The following FBXW8 variants were observed in gnomAD, a reference collection of about 807,000 sequenced individuals.
The protein encoded by FBXW8 is F-box/WD repeat-containing protein 8.
FBXW8 carries 57 observed loss-of-function variants against 65.3 expected under a neutral mutation model. The ratio of observed to expected loss-of-function variants is 0.87; its 90% CI spans 0.71 to 1.09. FBXW8 has a LOEUF of 1.09. Among genes scored for constraint, FBXW8 ranks in the 50% least tolerant of loss-of-function variants. The probability of loss-of-function intolerance (pLI) is 0.00; values close to 1 mark genes in which losing one functional copy is unlikely to be tolerated. For missense variants in FBXW8, 777 were observed against 814.8 expected (o/e 0.95, Z 0.57); for synonymous variants, 308 against 330.2 (o/e 0.93, Z 0.73).
chr12:116,972,405 A>G (rs569807300), intron 5 of FBXW8, among the ~76,000 whole-genome samples: 3 of 152,342 alleles, frequency 2.0e-5, no homozygotes, highest in Non-Finnish European at 4.4e-5. Context: ...CGTTTATTTC[A>G]TTCTGAACCC....
chr12:116,953,573 C>T (rs1191423049), intron 4 of FBXW8, among the ~76,000 whole-genome samples: 12 of 151,530 alleles, frequency 7.9e-5, no homozygotes, highest in Admixed American at 5.9e-4. Flanking sequence ...AGATCGAGAC[C>T]ATCCTGGCTA....
At chr12:117,025,245 G>C (rs1215401695) in intron 9 of FBXW8, among the ~76,000 whole-genome samples, 1 of 152,226 alleles carries the variant, frequency 6.6e-6, no homozygotes, top group South Asian at 2.1e-4. Context: ...CTACTCAGGA[G>C]ACTGAGGAGC....
intron 7 of FBXW8, among the ~76,000 whole-genome samples, chr12:116,998,536 T>C (rs894250195): frequency 2.6e-5 from 4 of 152,216 alleles, no homozygotes; most frequent in Non-Finnish European, 2.9e-5. Context: ...TCCTATACCA[T>C]GGAAGAGAAT....
At chr12:116,986,675 A>G (rs1270897675) in intron 6 of FBXW8, 1 of 152,252 alleles carries the variant, frequency 6.6e-6, no homozygotes. Context: ...ACTGTAGACC[A>G]GCAATCACTG....
intron 1 of FBXW8, among the ~76,000 whole-genome samples, chr12:116,912,921 G>A (rs1297134346): frequency 6.6e-6 from 1 of 152,200 alleles, no homozygotes; most frequent in East Asian, 1.9e-4. Context: ...ACAATCCTGT[G>A]AGGTAGATTT....
At chr12:116,938,233 A>G (rs1053107530) in intron 2 of FBXW8, among the ~76,000 whole-genome samples, 19 of 152,226 alleles carry the variant, frequency 1.2e-4, no homozygotes, top group Admixed American at 2.6e-4. Context: ...CTCCTTTTAT[A>G]GTTTGCTAAA....
chr12:116,981,023 TG>T (rs1397533084), intron 5 of FBXW8, among the ~76,000 whole-genome samples: 1 of 152,200 alleles, frequency 6.6e-6, no homozygotes, highest in Non-Finnish European at 1.5e-5. Flanking sequence ...AATAGTGCCT[TG>T]GTACAAAACA....
intron 6 of FBXW8, 38 bp from the exon 7 acceptor site, chr12:116,988,625 T>A (rs777430223): frequency 5.0e-6 from 8 of 1,588,140 alleles, no homozygotes; most frequent in Non-Finnish European, 6.9e-6. Flanking sequence ...CAAGTCAGGA[T>A]GAATTTATGG....
intron 7 of FBXW8, among the ~76,000 whole-genome samples, chr12:117,004,587 G>C (rs950479501): frequency 3.9e-4 from 60 of 152,274 alleles, no homozygotes; most frequent in African/African-American, 1.2e-3. Context: ...GAACTTGTGT[G>C]GGGGCAGACA....
At chr12:117,002,395 G>A (rs531153355) in intron 7 of FBXW8, 2 of 152,406 alleles carry the variant, frequency 1.3e-5, no homozygotes, top group Non-Finnish European at 2.9e-5. Flanking sequence ...TTTGAGCATG[G>A]ACGGTGCCAG....
intron 1 of FBXW8, among the ~76,000 whole-genome samples, chr12:116,912,526 C>T (rs1347150984): frequency 7.0e-6 from 1 of 143,480 alleles, no homozygotes; most frequent in East Asian, 2.1e-4. Flanking sequence ...GTGGCGCGAT[C>T]TCGGCTCACT....
At chr12:116,940,255 CTT>C (rs76455764) in intron 2 of FBXW8, among the ~76,000 whole-genome samples, 7 of 143,128 alleles carry the variant, frequency 4.9e-5, no homozygotes, top group African/African-American at 1.0e-4. Flanking sequence ...TCCTGGTTAT[CTT>C]TTTTTTTTTT....
chr12:116,971,121 A>G lies in FBXW8; in HGVS notation c.835+6267A>G, dbSNP rs540985740. On this transcript the variant is annotated intron_variant, in intron 5 of 10. Transcript: ENST00000652555. ...GCTGGGTGTGGTGGCTCAGGCTTGT[A>G]ATGCCAGTGCTGTGGGAGGATCTCT... Among the ~76,000 whole-genome samples, 5 of 152,230 alleles carry G rather than the reference A, an allele frequency of 3.3e-5. No individual in the cohort carries two copies. In the South Asian group the frequency reaches 8.3e-4, roughly 25 times the overall value.
At position 116,949,622 on chromosome 12, in the gene FBXW8, G is replaced by A. The variant is rs575752045; in HGVS notation, c.593G>A (p.Arg198His). 5.8e-5 allele frequency: 94 copies of A among 1,614,010 alleles called. No individual in the cohort carries two copies. Among genetic ancestry groups the A allele is most frequent in the Non-Finnish European group, 7.9e-5 (93 of 1,180,000 alleles). The change falls in exon 4 of 11, where the codon CGC becomes CAC. Residue 198 changes from arginine to histidine, a missense_variant. By Grantham distance (29) the Arg-to-His change is conservative. Transcript: ENST00000652555. ...ATCCCCCTTTTCCTCACGCAGAATCGCAAAGGTGCCGTGAGCGAGCTGGAG... is the reference window on the plus strand; with the variant it reads ...ATCCCCCTTTTCCTCACGCAGAATCACAAAGGTGCCGTGAGCGAGCTGGAG... ...EHMLRTNWKN[R>H]KGAVSELEHV...
intron 1 of FBXW8, among the ~76,000 whole-genome samples, chr12:116,916,657 G>T (rs1351926574): frequency 2.6e-5 from 4 of 152,180 alleles, no homozygotes; most frequent in African/African-American, 4.8e-5. Flanking sequence ...CAGCTGCTGG[G>T]GGAGTTGAGG....
At chr12:117,001,394 A>T (rs1312133364) in intron 7 of FBXW8, among the ~76,000 whole-genome samples, 1 of 152,186 alleles carries the variant, frequency 6.6e-6, no homozygotes, top group East Asian at 1.9e-4. Context: ...CTTTGGGCCA[A>T]ACTAGAAGTT....
Position 116,911,130 on chromosome 12 carries a change from T to C in FBXW8, c.93T>C (p.Ala31=), listed in dbSNP as rs1310320840. Residue 31 remains alanine (A), a synonymous_variant, in exon 1 of 11, where the codon GCT becomes GCC. Coordinates refer to ENST00000652555, the MANE Select transcript of FBXW8 (RefSeq NM_153348.3). ...CGAAGAAGCGGCGACGGCCCGAGGC[T>C]GCCGAGAGGCGGGCTCGGCGGCCGG... The part of the protein sequence containing the change: ...QAPKKRRRPE[A]AERRARRPEV... 5.8e-6 allele frequency: 8 copies of C among 1,368,566 alleles called. No individual in the cohort carries two copies. The highest frequency in any genetic ancestry group is 6.5e-6 in the Non-Finnish European group (7 of 1,071,506). The allele number at this position is 1,368,566 out of a possible 1,614,324, so 84.8% of individuals were successfully genotyped here.
chr12:116,911,441 T>A, intron 1 of FBXW8, 86 bp downstream of exon 1: 1 of 939,222 alleles, frequency 1.1e-6, no homozygotes, highest in Non-Finnish European at 1.4e-6. Flanking sequence ...GGAGAGTAAC[T>A]GTGTGCCACT....
chr12:116,949,484 C>T, intron 3 of FBXW8, 134 bp from the exon 4 acceptor site: 1 of 728,356 alleles, frequency 1.4e-6, no homozygotes, highest in Non-Finnish European at 2.4e-6. Context: ...TTTTTGAATG[C>T]CCATGGAACT....
Sources: gnomAD v4.1 joint callset for allele counts (sites outside exome capture counted in the v4.1 genomes callset) on GRCh38, gnomAD v4.1.1 for gene constraint, MANE v1.5 for transcripts, NCBI Gene and HGNC (gene_info 2026-07-23, HGNC 2026-07-21) for gene names.